PSD3: variants seen among roughly 807,000 people sequenced by gnomAD.
PSD3 encodes the protein pleckstrin and Sec7 domain containing 3, also known as PH and SEC7 domain-containing protein 3.
A neutral mutation model predicts 105.5 loss-of-function variants in PSD3; 49 were observed. The ratio of observed to expected loss-of-function variants is 0.46; its 90% CI spans 0.37 to 0.59. The LOEUF (loss-of-function observed/expected upper bound fraction) is 0.59, where lower values mean the gene tolerates loss of function less well. Among genes scored for constraint, PSD3 ranks in the 20% least tolerant of loss-of-function variants. The pLI, the probability that PSD3 is intolerant of heterozygous loss-of-function variation, is 0.00. For missense variants in PSD3, 1,561 were observed against 1,263.8 expected (o/e 1.24, Z -3.57); for synonymous variants, 557 against 457.8 (o/e 1.22, Z -2.77).
Position 18,528,991 on chromosome 8 carries a change from G to C in PSD3, c.*6752C>G, listed in dbSNP as rs1485479231. ...GCTCTCTTACCAGTAAAGCTCAGAGGGGAGTGTGGACAAGGCACATCAGTG... is the reference window on the plus strand; with the variant it reads ...GCTCTCTTACCAGTAAAGCTCAGAGCGGAGTGTGGACAAGGCACATCAGTG... On this transcript the variant is annotated 3_prime_UTR_variant, in exon 16 of 16. Coordinates refer to ENST00000327040, the MANE Select transcript of PSD3 (RefSeq NM_015310.4). The C allele has an allele frequency of 6.6e-6, 1 of 152,224 alleles. No homozygotes were observed. Among genetic ancestry groups the C allele is most frequent in the Non-Finnish European group, 1.5e-5 (1 of 68,052 alleles). 9.4% of individuals were successfully genotyped at this position (152,224 alleles called of 1,614,324 possible).
intron 14 of PSD3, among the ~76,000 whole-genome samples, chr8:18,561,298 TA>T (rs1216858866): frequency 6.6e-6 from 1 of 152,116 alleles, no homozygotes; most frequent in Non-Finnish European, 1.5e-5. Flanking sequence ...TATTCACCCT[TA>T]AAAAAGAGGA....
At chr8:18,554,126 G>A (rs976073611) in intron 15 of PSD3, among the ~76,000 whole-genome samples, 4 of 152,190 alleles carry the variant, frequency 2.6e-5, no homozygotes, top group Non-Finnish European at 5.9e-5. Context: ...GCTTTCCATG[G>A]CCTTGCAGCC....
intron 11 of PSD3, among the ~76,000 whole-genome samples, chr8:18,630,939 A>G (rs1806851875): frequency 6.6e-6 from 1 of 152,040 alleles, no homozygotes; most frequent in African/African-American, 2.4e-5. Context: ...ATACTATGCC[A>G]TTTTATATCA....
chr8:18,549,177 G>GT (rs60419038), intron 15 of PSD3, among the ~76,000 whole-genome samples: 44 of 115,778 alleles, frequency 3.8e-4, no homozygotes, highest in African/African-American at 1.4e-3. Context: ...TCTATTCTCA[G>GT]TTTTTTTTTT....
rs1481475282 is a variant in PSD3, at chr8:18,936,078, T to C, written c.86A>G (p.Tyr29Cys). The C allele has an allele frequency of 1.9e-6, 3 of 1,613,516 alleles. No individual in the cohort carries two copies. Among genetic ancestry groups the C allele is most frequent in the South Asian group, 2.2e-5 (2 of 91,060 alleles). The change falls in exon 2 of 16, where the codon TAT (tyrosine) becomes TGT (cysteine). Residue 29 changes from tyrosine to cysteine, a missense_variant. Tyr to Cys is a radical substitution (Grantham distance 194, BLOSUM62 -2). Transcript: ENST00000327040. Reference sequence around the variant, plus strand: ...TTCAGATCTGCCAAATAAAAATTCATATTTGGCCTTGGCAACACTCTGGGA... The same window carrying C: ...TTCAGATCTGCCAAATAAAAATTCACATTTGGCCTTGGCAACACTCTGGGA... The part of the protein sequence containing the change: ...AHSQSVAKAK[Y>C]EFLFGRSEGK...
At chr8:18,862,023 G>A (rs781636803) in intron 4 of PSD3, among the ~76,000 whole-genome samples, 51 of 152,174 alleles carry the variant, frequency 3.4e-4, no homozygotes, top group Non-Finnish European at 6.0e-4. Context: ...GTAAGGGTCC[G>A]ATGCAGGACT....
intron 1 of PSD3, among the ~76,000 whole-genome samples, chr8:18,960,117 C>G (rs1256823089): frequency 6.6e-6 from 1 of 152,184 alleles, no homozygotes; most frequent in Non-Finnish European, 1.5e-5. Flanking sequence ...AATAATGTCT[C>G]GTATACTGAT....
At chr8:18,583,865 C>G (rs569084793) in intron 12 of PSD3, among the ~76,000 whole-genome samples, 1 of 152,230 alleles carries the variant, frequency 6.6e-6, no homozygotes, top group Admixed American at 6.5e-5. Flanking sequence ...AATCATATCT[C>G]TAGTATACAA....
intron 1 of PSD3, among the ~76,000 whole-genome samples, chr8:19,070,359 A>G (rs1829211494): frequency 8.5e-6 from 1 of 118,108 alleles, no homozygotes; most frequent in African/African-American, 3.1e-5. Flanking sequence ...TTGTATTAGT[A>G]TGTCATGTGC....
chr8:19,063,496 T>C (rs1250266794), intron 1 of PSD3, among the ~76,000 whole-genome samples: 1 of 152,180 alleles, frequency 6.6e-6, no homozygotes, highest in African/African-American at 2.4e-5. Flanking sequence ...TGGCCCTCTG[T>C]TTTCCTTACA....
rs184171961 is a variant in PSD3, at chr8:18,586,807, G to C, written c.2482-11522C>G. 2.7e-3 allele frequency among the ~76,000 whole-genome samples: 410 copies of C among 152,300 alleles called. 1 individual carries two copies. The highest frequency in any genetic ancestry group is 9.5e-3 in the African/African-American group (394 of 41,552). On this transcript the variant is annotated intron_variant, in intron 12 of 15. Transcript: ENST00000327040. ...AAGGGGGAAAATGGAGGGCACTCAG[G>C]AGGGAAGTTAACTGGAAGCCCTTGG...
intron 8 of PSD3, among the ~76,000 whole-genome samples, chr8:18,773,788 T>C (rs937262590): frequency 2.6e-5 from 4 of 152,168 alleles, no homozygotes; most frequent in Non-Finnish European, 4.4e-5. Flanking sequence ...TACATACATA[T>C]ACAAAGTGAA....
chr8:18,972,385 G>A (rs1158688620), intron 1 of PSD3, among the ~76,000 whole-genome samples: 1 of 152,232 alleles, frequency 6.6e-6, no homozygotes, highest in Non-Finnish European at 1.5e-5. Flanking sequence ...ATAACAAACA[G>A]ACAGATGTGA....
chr8:19,018,859 C>T lies in PSD3; in HGVS notation c.324+65347G>A, dbSNP rs145503692. Among the ~76,000 whole-genome samples, 372 of 152,268 alleles carry T rather than the reference C, an allele frequency of 2.4e-3. 1 individual carries two copies. The highest frequency in any genetic ancestry group is 8.5e-3 in the African/African-American group (354 of 41,556). On this transcript the variant is annotated intron_variant, in intron 1 of 1. Transcript: ENST00000521475. ...TCGCCCAGTCTGGAGTGCAGTGGCTCAATCTCAGCTCACTGCAGCCTCCGC... is the reference window on the plus strand; with the variant it reads ...TCGCCCAGTCTGGAGTGCAGTGGCTTAATCTCAGCTCACTGCAGCCTCCGC...
At chr8:18,658,619 C>T (rs1376800273) in intron 9 of PSD3, among the ~76,000 whole-genome samples, 1 of 150,634 alleles carries the variant, frequency 6.6e-6, no homozygotes, top group Non-Finnish European at 1.5e-5. Flanking sequence ...AAATCCTGGG[C>T]TCAAGGGATC....
chr8:18,684,527 A>G (rs147530125), intron 9 of PSD3, among the ~76,000 whole-genome samples: 68 of 152,318 alleles, frequency 4.5e-4, no homozygotes, highest in African/African-American at 1.4e-3. Flanking sequence ...GCGAGACACA[A>G]AGGCATCTCA....
intron 9 of PSD3, among the ~76,000 whole-genome samples, chr8:18,723,507 T>A (rs766005383): frequency 1.3e-5 from 2 of 152,160 alleles, no homozygotes; most frequent in African/African-American, 4.8e-5. Context: ...ATCAATTAAA[T>A]GCTTAGCACA....
chr8:18,974,234 C>A (rs1265456616), intron 1 of PSD3, among the ~76,000 whole-genome samples: 1 of 152,176 alleles, frequency 6.6e-6, no homozygotes, highest in Non-Finnish European at 1.5e-5. Context: ...GAAAAAGGCT[C>A]AAAAAGCCTT....
chr8:18,989,196 G>A (rs1825663093), intron 1 of PSD3: 1 of 152,158 alleles, frequency 6.6e-6, no homozygotes, highest in African/African-American at 2.4e-5. Context: ...CTGTGCACTG[G>A]AGCTAGACAC....
Sources: gnomAD v4.1 joint callset for allele counts (sites outside exome capture counted in the v4.1 genomes callset) on GRCh38, gnomAD v4.1.1 for gene constraint, MANE v1.5 for transcripts, NCBI Gene and HGNC (gene_info 2026-07-23, HGNC 2026-07-21) for gene names.